The following CNTN5 variants were observed in gnomAD, a reference collection of about 807,000 sequenced individuals.
CNTN5 encodes contactin-5.
In CNTN5, 77 loss-of-function variants were observed where a neutral mutation model predicts 129.1. The ratio of observed to expected loss-of-function variants is 0.60; its 90% CI spans 0.50 to 0.72. The LOEUF (loss-of-function observed/expected upper bound fraction) is 0.72, where lower values mean the gene tolerates loss of function less well. Among genes scored for constraint, CNTN5 ranks in the 30% least tolerant of loss-of-function variants. The pLI, the probability that CNTN5 is intolerant of heterozygous loss-of-function variation, is 0.00. For synonymous variants in CNTN5, 509 were observed against 465.6 expected, an observed-to-expected ratio of 1.09 and a Z score of -1.20; for missense variants, 1,478 against 1,328.8, an observed-to-expected ratio of 1.11 and a Z score of -1.75.
chr11:99,213,449 T>C (rs866553707), intron 1 of CNTN5, among the ~76,000 whole-genome samples: 12 of 141,660 alleles, frequency 8.5e-5, no homozygotes, highest in African/African-American at 3.0e-4. Context: ...TACACATATA[T>C]GTATATACAT....
At chr11:99,751,097 G>T (rs1243565213) in intron 3 of CNTN5, among the ~76,000 whole-genome samples, 1 of 152,184 alleles carries the variant, frequency 6.6e-6, no homozygotes, top group African/African-American at 2.4e-5. Flanking sequence ...AGCACTTTGG[G>T]AGGCTGAGGC....
chr11:100,353,798 TTGTG>T (rs143509336), intron 24 of CNTN5, among the ~76,000 whole-genome samples: 5 of 150,592 alleles, frequency 3.3e-5, no homozygotes, highest in South Asian at 2.1e-4. Flanking sequence ...CTTTTTGCAT[TTGTG>T]TGTGTGTGTG....
intron 6 of CNTN5, among the ~76,000 whole-genome samples, chr11:99,911,255 A>G (rs1949651672): frequency 6.6e-6 from 1 of 152,034 alleles, no homozygotes; most frequent in Non-Finnish European, 1.5e-5. Flanking sequence ...TAGAGAATTA[A>G]TTGAGAATCC....
chr11:99,044,720 C>A (rs756700138), intron 1 of CNTN5, among the ~76,000 whole-genome samples: 8 of 152,100 alleles, frequency 5.3e-5, no homozygotes, highest in Non-Finnish European at 7.4e-5. Flanking sequence ...TGGGGCGTGG[C>A]TAGAGAAAAG....
intron 3 of CNTN5, among the ~76,000 whole-genome samples, chr11:99,678,996 TAC>T (rs1807102353): frequency 6.8e-6 from 1 of 147,734 alleles, no homozygotes; most frequent in Non-Finnish European, 1.5e-5. Flanking sequence ...TCCATAAATA[TAC>T]ATATTTATTT....
chr11:99,683,951 C>T (rs566326406), intron 3 of CNTN5, among the ~76,000 whole-genome samples: 29 of 151,672 alleles, frequency 1.9e-4, no homozygotes, highest in African/African-American at 4.3e-4. Flanking sequence ...TTTTTGGTGA[C>T]GGAAACAATA....
intron 2 of CNTN5, among the ~76,000 whole-genome samples, chr11:99,536,522 C>T (rs1427901833): frequency 6.6e-6 from 1 of 152,012 alleles, no homozygotes; most frequent in Non-Finnish European, 1.5e-5. Flanking sequence ...ATAAACAGTA[C>T]AATTTTGTGC....
At chr11:99,521,160 C>A (rs1416644121) in intron 2 of CNTN5, among the ~76,000 whole-genome samples, 1 of 152,110 alleles carries the variant, frequency 6.6e-6, no homozygotes, top group African/African-American at 2.4e-5. Context: ...TACTCCTCCT[C>A]CTCCTCCTTC....
At chr11:100,020,650 G>A (rs1941091806) in intron 9 of CNTN5, among the ~76,000 whole-genome samples, 1 of 152,024 alleles carries the variant, frequency 6.6e-6, no homozygotes, top group African/African-American at 2.4e-5. Flanking sequence ...TCTGTTTGCA[G>A]ATGACATAAT....
At chr11:99,095,285 A>G (rs565115265) in intron 1 of CNTN5, among the ~76,000 whole-genome samples, 2 of 152,034 alleles carry the variant, frequency 1.3e-5, no homozygotes, top group South Asian at 4.1e-4. Flanking sequence ...AGGATCATCC[A>G]CTATTACCTC....
chr11:99,667,871 G>A (rs1218800826), intron 3 of CNTN5, among the ~76,000 whole-genome samples: 1 of 151,888 alleles, frequency 6.6e-6, no homozygotes, highest in Non-Finnish European at 1.5e-5. Context: ...AGGTATATCT[G>A]TGTAACAAAC....
intron 9 of CNTN5, among the ~76,000 whole-genome samples, chr11:100,017,717 A>G (rs541556476): frequency 7.2e-5 from 11 of 152,144 alleles, no homozygotes; most frequent in African/African-American, 2.6e-4. Flanking sequence ...ATTTTATAAA[A>G]TCATCAAGAG....
rs894948231 is a variant in CNTN5 at position 99,454,235 on chromosome 11, T to C, written c.-70-101910T>C. On this transcript the variant is annotated intron_variant, in intron 2 of 24. Coordinates refer to ENST00000524871, the MANE Select transcript of CNTN5 (RefSeq NM_014361.4). ...AGTTGAATATAACAAGGGAGAAAGA[T>C]ACTCAGCTATAAAATAATAAAATAG... is the stretch of plus-strand genomic sequence containing the variant. 5.9e-5 allele frequency among the ~76,000 whole-genome samples: 9 copies of C among 152,158 alleles called. No homozygotes were observed. In the South Asian group the frequency reaches 6.2e-4, roughly 11 times the overall value.
intron 3 of CNTN5, among the ~76,000 whole-genome samples, chr11:99,726,544 C>G (rs545406858): frequency 1.3e-5 from 2 of 152,226 alleles, no homozygotes; most frequent in African/African-American, 4.8e-5. Context: ...TAATAATAAT[C>G]GCTGACACTT....
chr11:99,855,533 A>G (rs1948005406), intron 6 of CNTN5, among the ~76,000 whole-genome samples: 1 of 152,202 alleles, frequency 6.6e-6, no homozygotes. Flanking sequence ...TGTGAACAAC[A>G]CAGCTTCATG....
intron 3 of CNTN5, among the ~76,000 whole-genome samples, chr11:99,685,737 G>C (rs573209309): frequency 6.6e-6 from 1 of 151,820 alleles, no homozygotes; most frequent in Non-Finnish European, 1.5e-5. Context: ...CCTCTCTTGT[G>C]TGTTGTTTTC....
At chr11:99,513,912 A>C (rs1311783816) in intron 2 of CNTN5, among the ~76,000 whole-genome samples, 1 of 152,066 alleles carries the variant, frequency 6.6e-6, no homozygotes, top group African/African-American at 2.4e-5. Context: ...TTTATTTAAG[A>C]AATACATTTT....
chr11:99,594,794 T>A (rs930841269), intron 3 of CNTN5, among the ~76,000 whole-genome samples: 2 of 152,306 alleles, frequency 1.3e-5, no homozygotes, highest in Admixed American at 1.3e-4. Flanking sequence ...CACAACAATG[T>A]AAAAGGTGGT....
intron 3 of CNTN5, among the ~76,000 whole-genome samples, chr11:99,680,145 G>C (rs1238618788): frequency 6.6e-5 from 10 of 152,074 alleles, no homozygotes; most frequent in Non-Finnish European, 1.3e-4. Context: ...TGCTGATGTA[G>C]AAACTGTAGC....
Sources: allele counts gnomAD v4.1 joint callset (sites outside exome capture counted in the v4.1 genomes callset), GRCh38; gene constraint gnomAD v4.1.1; transcripts MANE v1.5; gene names NCBI Gene and HGNC (gene_info 2026-07-23, HGNC 2026-07-21).